The following CDH2 variants were observed in gnomAD, a reference collection of about 807,000 sequenced individuals.
The protein encoded by CDH2 is cadherin-2.
Under a neutral mutation model 92.0 loss-of-function variants are expected in CDH2, and 17 were observed. The ratio of observed to expected loss-of-function variants is 0.18; its 90% CI spans 0.13 to 0.28. CDH2 has a LOEUF of 0.28. Among genes scored for constraint, CDH2 ranks in the 10% least tolerant of loss-of-function variants. CDH2 has a pLI of 1.00. For synonymous variants in CDH2, 419 were observed against 415.9 expected, an observed-to-expected ratio of 1.01 and a Z score of -0.09; for missense variants, 862 against 1,133.1, an observed-to-expected ratio of 0.76 and a Z score of 3.44.
intron 2 of CDH2, among the ~76,000 whole-genome samples, chr18:28,067,462 C>T (rs1342013255): frequency 6.6e-6 from 1 of 152,170 alleles, no homozygotes; most frequent in East Asian, 1.9e-4. Flanking sequence ...CTAAACATTT[C>T]ATACAAATGG....
intron 1 of CDH2, among the ~76,000 whole-genome samples, chr18:28,159,833 T>C (rs1441911255): frequency 6.6e-6 from 1 of 152,136 alleles, no homozygotes; most frequent in Non-Finnish European, 1.5e-5. Flanking sequence ...ATTTTTGTAT[T>C]TTTAGTAGAG....
At chr18:27,945,435 G>A (rs949569019) in intron 6 of CDH2, among the ~76,000 whole-genome samples, 5 of 142,396 alleles carry the variant, frequency 3.5e-5, no homozygotes, top group African/African-American at 1.3e-4. Flanking sequence ...CATCTTGTAT[G>A]AGTCAAAAAA....
intron 2 of CDH2, among the ~76,000 whole-genome samples, chr18:28,111,423 C>T (rs1193259761): frequency 6.6e-6 from 1 of 152,124 alleles, no homozygotes; most frequent in Non-Finnish European, 1.5e-5. Flanking sequence ...AACATGTATT[C>T]GAGGTAAGAA....
At chr18:27,952,767 A>C (rs1433009202) in intron 15 of CDH2, among the ~76,000 whole-genome samples, 1 of 152,198 alleles carries the variant, frequency 6.6e-6, no homozygotes, top group African/African-American at 2.4e-5. Flanking sequence ...AGAGACACAC[A>C]AATGAGTACC....
intron 2 of CDH2, among the ~76,000 whole-genome samples, chr18:28,070,632 C>T (rs1224965788): frequency 2.0e-5 from 3 of 152,194 alleles, no homozygotes; most frequent in Non-Finnish European, 4.4e-5. Context: ...GACGACAAAG[C>T]CTTCTGGAAT....
chr18:27,999,458 A>G (rs997624685), intron 7 of CDH2, among the ~76,000 whole-genome samples: 6 of 152,136 alleles, frequency 3.9e-5, no homozygotes, highest in African/African-American at 1.4e-4. Flanking sequence ...TGGAACTAGG[A>G]GTTGAAGGCA....
chr18:28,035,444 G>A (rs976093072), intron 2 of CDH2, among the ~76,000 whole-genome samples: 4 of 151,984 alleles, frequency 2.6e-5, no homozygotes, highest in East Asian at 1.9e-4. Flanking sequence ...GATGTTTGGC[G>A]AATTTTTACA....
chr18:28,177,043 C>A lies in CDH2; in HGVS notation c.-21G>T. ...CACATGGAGGCGGAGAGGGGCCGAG[C>A]GAAGAGCCGGAGGAGGCGGCGGCGG... On this transcript the variant is annotated 5_prime_UTR_variant, in exon 1 of 16. Transcript: ENST00000269141. 1 of 1,472,586 alleles carries A rather than the reference C, an allele frequency of 6.8e-7. No homozygotes were observed. Among genetic ancestry groups the A allele is most frequent in the Non-Finnish European group, 9.0e-7 (1 of 1,111,404 alleles). The allele number at this position is 1,472,586 out of a possible 1,614,324, so 91.2% of individuals were successfully genotyped here. A position where few individuals can be genotyped will look rare whatever the true frequency, so the allele number is the denominator to read the frequency against.
intron 2 of CDH2, among the ~76,000 whole-genome samples, chr18:28,124,230 C>G (rs908041173): frequency 6.6e-6 from 1 of 151,952 alleles, no homozygotes; most frequent in African/African-American, 2.4e-5. Flanking sequence ...TTTTAAGGTT[C>G]ATTTTGTACA....
intron 2 of CDH2, among the ~76,000 whole-genome samples, chr18:28,062,369 CTAAT>C (rs1233685159): frequency 6.6e-6 from 1 of 152,154 alleles, no homozygotes; most frequent in East Asian, 1.9e-4. Flanking sequence ...ACTTCTTCAA[CTAAT>C]TAAGTAGAAT....
intron 2 of CDH2, among the ~76,000 whole-genome samples, chr18:28,049,425 G>T (rs2014145796): frequency 6.6e-6 from 1 of 152,112 alleles, no homozygotes; most frequent in South Asian, 2.1e-4. Flanking sequence ...ACACAGAGAC[G>T]AAATGAACAG....
chr18:28,126,122 A>C (rs923197263), intron 2 of CDH2, among the ~76,000 whole-genome samples: 7 of 152,208 alleles, frequency 4.6e-5, no homozygotes, highest in Admixed American at 3.9e-4. Context: ...GGAAATATCC[A>C]GATGTATATG....
At chr18:28,036,421 A>G (rs765931074) in intron 2 of CDH2, 1 of 868,602 alleles carries the variant, frequency 1.2e-6, no homozygotes, top group East Asian at 2.4e-5. Context: ...TTGTTTTCCA[A>G]GTTAACTAAA....
chr18:27,979,501 C>T (rs1167099103), intron 14 of CDH2, among the ~76,000 whole-genome samples: 1 of 152,198 alleles, frequency 6.6e-6, no homozygotes, highest in Non-Finnish European at 1.5e-5. Flanking sequence ...CCAGAAAATG[C>T]ACCAGAACAT....
intron 2 of CDH2, among the ~76,000 whole-genome samples, chr18:28,065,252 G>A (rs2014484826): frequency 6.6e-6 from 1 of 152,064 alleles, no homozygotes; most frequent in Non-Finnish European, 1.5e-5. Context: ...GATGTGACAA[G>A]ATCTAAGCCA....
chr18:28,006,061 T>A (rs1226433352), intron 5 of CDH2, 68 bp from the exon 6 acceptor site: 34 of 1,250,014 alleles, frequency 2.7e-5, no homozygotes, highest in South Asian at 2.0e-4. Context: ...TACATCATCA[T>A]AAGGCTACAA....
chr18:28,133,192 T>C (rs1052102052), intron 2 of CDH2, among the ~76,000 whole-genome samples: 1 of 152,164 alleles, frequency 6.6e-6, no homozygotes, highest in Non-Finnish European at 1.5e-5. Context: ...TGATATGCTT[T>C]CAGTAAATCA....
chr18:28,147,370 ATAT>A (rs993565702), intron 2 of CDH2, among the ~76,000 whole-genome samples: 3 of 152,132 alleles, frequency 2.0e-5, no homozygotes, highest in African/African-American at 7.2e-5. Flanking sequence ...ATTCTTCAAA[ATAT>A]TATTCTTTAA....
intron 2 of CDH2, among the ~76,000 whole-genome samples, chr18:28,035,950 T>C (rs2013815347): frequency 6.6e-6 from 1 of 152,116 alleles, no homozygotes; most frequent in African/African-American, 2.4e-5. Flanking sequence ...TAGTGGGGAT[T>C]AGGGAAATTA....
Sources: allele counts gnomAD v4.1 joint callset (sites outside exome capture counted in the v4.1 genomes callset), GRCh38; gene constraint gnomAD v4.1.1; transcripts MANE v1.5; gene names NCBI Gene and HGNC (gene_info 2026-07-23, HGNC 2026-07-21).